The following CRYBA4 variants were observed in gnomAD, a reference collection of about 807,000 sequenced individuals.
The protein encoded by CRYBA4 is crystallin beta A4.
CRYBA4 carries 30 observed loss-of-function variants against 31.7 expected under a neutral mutation model. The observed-to-expected ratio is 0.95, with a 90% CI of 0.71 to 1.28. The LOEUF (loss-of-function observed/expected upper bound fraction) is 1.28. Among genes scored for constraint, CRYBA4 ranks in the 50% most tolerant of loss-of-function variants. CRYBA4 has a pLI of 0.00. For missense variants in CRYBA4, 225 were observed against 260.7 expected, an observed-to-expected ratio of 0.86 and a Z score of 0.94; for synonymous variants, 102 against 102.3, an observed-to-expected ratio of 1.00 and a Z score of 0.02.
chr22:26,607,581 C>T, the CRYBA4 span, among the ~76,000 whole-genome samples: 1 of 134,632 alleles, frequency 7.4e-6, no homozygotes, highest in Non-Finnish European at 1.6e-5. Flanking sequence ...AAAAAAAAAG[C>T]TCCCAGTAAG....
chr22:26,602,171 A>G, the CRYBA4 span: 2 of 966,598 alleles, frequency 2.1e-6, no homozygotes, highest in African/African-American at 3.2e-5. Context: ...CTAGTCTGGA[A>G]GGAGACATAA....
At chr22:26,598,924 C>G in the CRYBA4 span, among the ~76,000 whole-genome samples, 4 of 152,200 alleles carry the variant, frequency 2.6e-5, no homozygotes, top group Non-Finnish European at 2.9e-5. Context: ...TGGAGCCAGA[C>G]AGCCTGAATT....
the CRYBA4 span, among the ~76,000 whole-genome samples, chr22:26,605,400 G>A: frequency 0.058 from 8,791 of 152,198 alleles, 619 homozygotes; most frequent in African/African-American, 0.17. Flanking sequence ...CTGGTTGGGC[G>A]CACTGGCTCA....
chr22:26,595,165 T>A, the CRYBA4 span, among the ~76,000 whole-genome samples: 1 of 152,288 alleles, frequency 6.6e-6, no homozygotes, highest in Admixed American at 6.5e-5. Flanking sequence ...TGTTTATTCA[T>A]AAATTCATTA....
At chr22:26,592,180 A>T in the CRYBA4 span, among the ~76,000 whole-genome samples, 1 of 152,222 alleles carries the variant, frequency 6.6e-6, no homozygotes, top group Non-Finnish European at 1.5e-5. Flanking sequence ...CACATAGATT[A>T]AACACCAGCA....
At chr22:26,596,384 A>G in the CRYBA4 span, among the ~76,000 whole-genome samples, 1 of 152,226 alleles carries the variant, frequency 6.6e-6, no homozygotes, top group African/African-American at 2.4e-5. Context: ...GGCATGAACC[A>G]CTGTGCCTGG....
the CRYBA4 span, among the ~76,000 whole-genome samples, chr22:26,597,389 A>G: frequency 6.6e-6 from 1 of 152,240 alleles, no homozygotes; most frequent in African/African-American, 2.4e-5. Flanking sequence ...TTTACATGGT[A>G]GACGTCCCAG....
At position 26,630,630 on chromosome 22, in the gene CRYBA4, C is replaced by A; in HGVS notation, c.*143C>A. The A allele has an allele frequency of 1.5e-6, 1 of 659,658 alleles. No homozygotes were observed. The highest frequency in any genetic ancestry group is 2.8e-5 in the East Asian group (1 of 36,330). The allele number at this position is 659,658 out of a possible 1,614,324, so 40.9% of individuals were successfully genotyped here. On this transcript the variant is annotated 3_prime_UTR_variant, in exon 6 of 6. Coordinates refer to ENST00000354760, the MANE Select transcript of CRYBA4 (RefSeq NM_001886.3). ...TGTGAACTGGTCCGTGCACAGTCAG[C>A]ACAAAAAACTCAAACGAATAAAAAA...
chr22:26,626,126 G>A (rs1476563641), intron 4 of CRYBA4, among the ~76,000 whole-genome samples: 1 of 152,224 alleles, frequency 6.6e-6, no homozygotes, highest in Non-Finnish European at 1.5e-5. Flanking sequence ...TTTAGGCTGG[G>A]CATGGTGGCT....
At chr22:26,611,097 A>T in the CRYBA4 span, among the ~76,000 whole-genome samples, 1 of 152,170 alleles carries the variant, frequency 6.6e-6, no homozygotes, top group Non-Finnish European at 1.5e-5. Flanking sequence ...AGGCCCAGAG[A>T]CACCCACAGA....
chr22:26,616,286 T>TGGCCGA, the CRYBA4 span: 1 of 1,612,212 alleles, frequency 6.2e-7, no homozygotes, highest in African/African-American at 1.3e-5. Context: ...ACCGCCACTG[T>TGGCCGA]GGCCGAGGCC....
intron 1 of CRYBA4, 137 bp from the exon 2 acceptor site, chr22:26,622,448 C>T: frequency 1.3e-6 from 1 of 746,878 alleles, no homozygotes; most frequent in East Asian, 2.6e-5. Context: ...AGGGACAGGC[C>T]AAAGCCATGC....
At chr22:26,597,852 A>T in the CRYBA4 span, among the ~76,000 whole-genome samples, 1 of 152,248 alleles carries the variant, frequency 6.6e-6, no homozygotes, top group East Asian at 1.9e-4. Context: ...TGGTGCAAAC[A>T]TCTTTCACAC....
At chr22:26,627,634 TTC>T (rs771986344) in intron 4 of CRYBA4, among the ~76,000 whole-genome samples, 14 of 131,780 alleles carry the variant, frequency 1.1e-4, no homozygotes, top group Non-Finnish European at 1.3e-4. Flanking sequence ...CCTTCCTTCC[TTC>T]TCTCTCTCTC....
rs1487550547 is a variant in CRYBA4, at chr22:26,630,552, G to A, written c.*65G>A. On this transcript the variant is annotated 3_prime_UTR_variant, in exon 6 of 6. Transcript: ENST00000354760. Reference sequence around the variant, plus strand: ...GCAATGGAGGCGCTCTGGAGGCTGTGGTGTGTTCTCTCCTTCTGCCTCCCC... The same window carrying A: ...GCAATGGAGGCGCTCTGGAGGCTGTAGTGTGTTCTCTCCTTCTGCCTCCCC... 1.2e-5 allele frequency: 17 copies of A among 1,435,350 alleles called. No homozygotes were observed. Among genetic ancestry groups the A allele is most frequent in the Middle Eastern group, 3.9e-4 (2 of 5,130 alleles). The allele number at this position is 1,435,350 out of a possible 1,614,324, so 88.9% of individuals were successfully genotyped here.
the CRYBA4 span, among the ~76,000 whole-genome samples, chr22:26,613,179 C>T: frequency 6.6e-6 from 1 of 152,268 alleles, no homozygotes; most frequent in African/African-American, 2.4e-5. Context: ...AATCTTCTCT[C>T]CTCACTAAGC....
chr22:26,628,302 G>T lies in CRYBA4; in HGVS notation c.315G>T (p.Ser105=). ...TGTTCCTGTAGAACCACCGTGACTC[G>T]AGGCTGACAATCTTCGAGCAAGAGA... is the stretch of plus-strand genomic sequence containing the variant. ...RPAACANHRD[S]RLTIFEQENF... is the part of the protein sequence containing the mutation. Residue 105 remains serine, a synonymous_variant, in exon 5 of 6, where the codon TCG becomes TCT. Transcript: ENST00000354760. 6.2e-7 allele frequency: 1 copy of T among 1,613,994 alleles called. No individual in the cohort carries two copies. Among genetic ancestry groups the T allele is most frequent in the Non-Finnish European group, 8.5e-7 (1 of 1,179,980 alleles).
the CRYBA4 span, among the ~76,000 whole-genome samples, chr22:26,592,054 G>A: frequency 6.6e-6 from 1 of 152,120 alleles, no homozygotes; most frequent in Admixed American, 6.6e-5. Flanking sequence ...GAAAATGCTG[G>A]GACTGATAAA....
At chr22:26,614,727 C>A in the CRYBA4 span, among the ~76,000 whole-genome samples, 1 of 152,160 alleles carries the variant, frequency 6.6e-6, no homozygotes, top group African/African-American at 2.4e-5. Context: ...TGCGGTGGCT[C>A]ACACCTATAA....
Sources: gnomAD v4.1 joint callset for allele counts (sites outside exome capture counted in the v4.1 genomes callset) on GRCh38, gnomAD v4.1.1 for gene constraint, MANE v1.5 for transcripts, NCBI Gene and HGNC (gene_info 2026-07-23, HGNC 2026-07-21) for gene names.